The following PREX2 variants were observed in gnomAD, a reference collection of about 807,000 sequenced individuals.
PREX2 encodes phosphatidylinositol 3,4,5-trisphosphate-dependent Rac exchanger 2 protein.
PREX2 carries 107 observed loss-of-function variants against 203.2 expected under a neutral mutation model. That is an observed-to-expected ratio of 0.53 (90% CI 0.45 to 0.62). The LOEUF is 0.62. Among genes scored for constraint, PREX2 ranks in the 20% least tolerant of loss-of-function variants. The probability of loss-of-function intolerance (pLI) is 0.00; values close to 1 mark genes in which losing one functional copy is unlikely to be tolerated. For synonymous variants in PREX2, 672 were observed against 663.6 expected, an observed-to-expected ratio of 1.01 and a Z score of -0.19; for missense variants, 1,777 against 1,955.9, an observed-to-expected ratio of 0.91 and a Z score of 1.72.
chr8:67,959,547 A>G (rs1037923814), intron 1 of PREX2, among the ~76,000 whole-genome samples: 4 of 152,176 alleles, frequency 2.6e-5, no homozygotes, highest in Non-Finnish European at 4.4e-5. Flanking sequence ...GCAGAAGGCA[A>G]ATGGCATCTT....
intron 1 of PREX2, among the ~76,000 whole-genome samples, chr8:67,958,319 C>T (rs1259645520): frequency 2.6e-5 from 4 of 152,116 alleles, no homozygotes; most frequent in Admixed American, 2.6e-4. Flanking sequence ...GATGATAGAG[C>T]TGGCTCCTAA....
rs138922780 is a variant in PREX2 at position 68,131,402 on chromosome 8, C to A, written c.3767-2657C>A. ...TAGGAAGGTGGCAACAGAAAATTAT[C>A]TCATGAAATATGAATTTTTATTCAA... On this transcript the variant is annotated intron_variant, in intron 31 of 39. Transcript: ENST00000288368. Among the ~76,000 whole-genome samples the A allele has an allele frequency of 7.9e-3, 1,198 of 152,330 alleles. 6 individuals are homozygous for A. The highest frequency in any genetic ancestry group is 0.012 in the African/African-American group (479 of 41,582).
rs575553240 is a variant in PREX2, at chr8:68,123,587, A to C, written c.3724+2538A>C. On this transcript the variant is annotated intron_variant, in intron 30 of 39. Transcript: ENST00000288368. ...TGACCCCACAGAAATACACATAACT[A>C]TCATGTTATGTGCATTTACACATAA... is the stretch of plus-strand genomic sequence containing the variant. 1.7e-4 allele frequency among the ~76,000 whole-genome samples: 26 copies of C among 152,158 alleles called. No homozygotes were observed. In the East Asian group the frequency reaches 5.0e-3, roughly 29 times the overall value.
intron 19 of PREX2, among the ~76,000 whole-genome samples, chr8:68,088,593 A>G (rs941931649): frequency 2.0e-5 from 3 of 149,212 alleles, no homozygotes; most frequent in African/African-American, 4.9e-5. Flanking sequence ...CAAATTTATC[A>G]AGGACATACT....
chr8:68,129,493 G>C (rs6472384), intron 31 of PREX2, among the ~76,000 whole-genome samples: 1 of 151,986 alleles, frequency 6.6e-6, no homozygotes, highest in Non-Finnish European at 1.5e-5. Flanking sequence ...GAAAAGGGTA[G>C]ACTGTGTCTT....
chr8:68,212,799 C>G (rs1157030252), intron 37 of PREX2, among the ~76,000 whole-genome samples: 1 of 151,826 alleles, frequency 6.6e-6, no homozygotes, highest in East Asian at 1.9e-4. Flanking sequence ...TTTCCAACAT[C>G]AAAATGAGTT....
chr8:68,075,986 C>G (rs1446326591), intron 14 of PREX2, among the ~76,000 whole-genome samples: 1 of 152,090 alleles, frequency 6.6e-6, no homozygotes, highest in African/African-American at 2.4e-5. Context: ...CAGGCAACAG[C>G]AGGGAGGCCA....
chr8:68,206,413 G>A (rs1267296571), intron 37 of PREX2, among the ~76,000 whole-genome samples: 1 of 152,174 alleles, frequency 6.6e-6, no homozygotes, highest in South Asian at 2.1e-4. Flanking sequence ...AAATGAGATT[G>A]TAGCTACTAA....
intron 8 of PREX2, among the ~76,000 whole-genome samples, chr8:68,052,800 C>T (rs1185127252): frequency 6.6e-6 from 1 of 152,092 alleles, no homozygotes; most frequent in Non-Finnish European, 1.5e-5. Context: ...GCTTTAGAAA[C>T]TTTGACAATA....
chr8:68,183,028 C>T (rs997956496), intron 35 of PREX2, among the ~76,000 whole-genome samples: 11 of 151,676 alleles, frequency 7.3e-5, no homozygotes, highest in African/African-American at 2.7e-4. Context: ...AAGGACATGG[C>T]AAGGCACGGT....
At chr8:67,968,624 A>G (rs1348571650) in intron 1 of PREX2, among the ~76,000 whole-genome samples, 1 of 152,170 alleles carries the variant, frequency 6.6e-6, no homozygotes, top group Non-Finnish European at 1.5e-5. Flanking sequence ...TCTGTGGCTC[A>G]TACATCATAA....
chr8:68,215,866 A>T (rs903260758), intron 37 of PREX2, among the ~76,000 whole-genome samples: 2 of 152,094 alleles, frequency 1.3e-5, no homozygotes, highest in Non-Finnish European at 2.9e-5. Context: ...ATGAACTATT[A>T]GTTATTACTG....
rs1811238817 is a variant in PREX2 at position 68,141,941 on chromosome 8, C to T, written c.4087+3424C>T. Among the ~76,000 whole-genome samples the T allele has an allele frequency of 2.0e-5, 3 of 152,158 alleles. No individual in the cohort carries two copies. In the South Asian group the frequency reaches 6.2e-4, roughly 32 times the overall value. ...TAAAAGGCAACAATTTTCAACTCCA[C>T]ATTAGTATTATGCACTTTTTAAAAA... On this transcript the variant is annotated intron_variant, in intron 33 of 39. Transcript: ENST00000288368.
intron 1 of PREX2, among the ~76,000 whole-genome samples, chr8:67,996,210 T>C (rs1478461475): frequency 6.6e-6 from 1 of 152,130 alleles, no homozygotes; most frequent in Admixed American, 6.5e-5. Context: ...TATTTATTTT[T>C]TTGGAGACAG....
At chr8:68,123,763 G>A (rs573646319) in intron 30 of PREX2, among the ~76,000 whole-genome samples, 1 of 151,258 alleles carries the variant, frequency 6.6e-6, no homozygotes, top group East Asian at 1.9e-4. Flanking sequence ...AGTTGAATCA[G>A]TAATAAATAG....
chr8:68,183,023 C>T (rs1355244863), intron 35 of PREX2, among the ~76,000 whole-genome samples: 3 of 151,708 alleles, frequency 2.0e-5, no homozygotes, highest in African/African-American at 7.3e-5. Flanking sequence ...CAAGTAAGGA[C>T]ATGGCAAGGC....
chr8:68,181,807 T>C (rs773291844), intron 35 of PREX2, among the ~76,000 whole-genome samples: 1 of 152,156 alleles, frequency 6.6e-6, no homozygotes, highest in Non-Finnish European at 1.5e-5. Context: ...AACCAAAATA[T>C]GTTGACCACT....
At chr8:67,952,794 G>A (rs543795619) in intron 1 of PREX2, 136 of 577,308 alleles carry the variant, frequency 2.4e-4, no homozygotes, top group African/African-American at 2.3e-3. Flanking sequence ...CTAGAGAAGA[G>A]AGCTCCAGTC....
intron 1 of PREX2, among the ~76,000 whole-genome samples, chr8:68,004,187 C>A (rs904304354): frequency 6.6e-6 from 1 of 152,132 alleles, no homozygotes; most frequent in Non-Finnish European, 1.5e-5. Flanking sequence ...GACTGTTCCA[C>A]CTTGGAGAAG....
Sources: allele counts gnomAD v4.1 joint callset (sites outside exome capture counted in the v4.1 genomes callset), GRCh38; gene constraint gnomAD v4.1.1; transcripts MANE v1.5; gene names NCBI Gene and HGNC (gene_info 2026-07-23, HGNC 2026-07-21).